The following ADAMTS16 variants were observed in gnomAD, a reference collection of about 807,000 sequenced individuals.
ADAMTS16 encodes A disintegrin and metalloproteinase with thrombospondin motifs 16.
Under a neutral mutation model 145.8 loss-of-function variants are expected in ADAMTS16, and 94 were observed. The observed-to-expected ratio is 0.64, with a 90% CI of 0.55 to 0.77. ADAMTS16 has a LOEUF of 0.77. Among genes scored for constraint, ADAMTS16 ranks in the 30% least tolerant of loss-of-function variants. ADAMTS16 has a pLI of 0.00. For synonymous variants in ADAMTS16, 659 were observed against 604.3 expected (o/e 1.09, Z -1.33); for missense variants, 1,585 against 1,591.5 (o/e 1.00, Z 0.07).
intron 18 of ADAMTS16, 108 bp from the exon 19 acceptor site, chr5:5,303,160 C>G: frequency 8.2e-7 from 1 of 1,214,422 alleles, no homozygotes; most frequent in Non-Finnish European, 1.1e-6. Context: ...ACGGCACACA[C>G]ACGACCGTGG....
intron 9 of ADAMTS16, among the ~76,000 whole-genome samples, chr5:5,205,235 C>A (rs1348175671): frequency 6.6e-6 from 1 of 150,556 alleles, no homozygotes; most frequent in Non-Finnish European, 1.5e-5. Context: ...TTTTGCTAAA[C>A]AGAAATTTTT....
intron 18 of ADAMTS16, among the ~76,000 whole-genome samples, chr5:5,299,469 A>AT (rs1739683077): frequency 6.6e-6 from 1 of 152,042 alleles, no homozygotes. Flanking sequence ...GGAAACTTGC[A>AT]TTTTCAAAGA....
chr5:5,267,367 G>A (rs1479089498), intron 18 of ADAMTS16, among the ~76,000 whole-genome samples: 2 of 152,128 alleles, frequency 1.3e-5, no homozygotes, highest in Non-Finnish European at 2.9e-5. Context: ...TTGGTGTGCT[G>A]GAAAAATTGG....
intron 18 of ADAMTS16, among the ~76,000 whole-genome samples, chr5:5,302,471 G>A (rs1174640241): frequency 6.6e-6 from 1 of 152,172 alleles, no homozygotes; most frequent in East Asian, 1.9e-4. Flanking sequence ...AGAATGAAAA[G>A]ATAGAGGACA....
chr5:5,168,848 G>A, intron 3 of ADAMTS16, among the ~76,000 whole-genome samples: 1 of 148,388 alleles, frequency 6.7e-6, no homozygotes. Flanking sequence ...TTTTGATCTA[G>A]TAGTTACTGA....
At chr5:5,293,147 G>A (rs6555342) in intron 18 of ADAMTS16, among the ~76,000 whole-genome samples, 25,893 of 152,178 alleles carry the variant, frequency 0.17, 2,343 homozygotes, top group Non-Finnish European at 0.2. Context: ...ATGGTGTCAC[G>A]GTTTTCTAGC....
chr5:5,170,378 C>CTATT lies in ADAMTS16; in HGVS notation c.502-11651_502-11648dup, dbSNP rs923980320. Among the ~76,000 whole-genome samples, 14 of 151,544 alleles carry CTATT rather than the reference C, an allele frequency of 9.2e-5. 1 individual carries two copies. Among genetic ancestry groups the CTATT allele is most frequent in the Admixed American group, 3.3e-4 (5 of 15,188 alleles). Reference sequence around the variant, plus strand: ...GCCCATTTTTATTTTATTTTTATTTCTATTTATTTATTTATTTAGAGACAG... The same window carrying CTATT: ...GCCCATTTTTATTTTATTTTTATTTCTATTTATTTATTTATTTATTTAGAGACAG... On this transcript the variant is annotated intron_variant, in intron 3 of 22. Transcript: ENST00000274181.
chr5:5,160,388 T>G (rs941028150), intron 3 of ADAMTS16, among the ~76,000 whole-genome samples: 1 of 152,130 alleles, frequency 6.6e-6, no homozygotes, highest in Non-Finnish European at 1.5e-5. Context: ...CATTGGGAAA[T>G]AGTGGTGGGC....
chr5:5,238,779 C>T (rs953874185), intron 14 of ADAMTS16, among the ~76,000 whole-genome samples: 1 of 152,170 alleles, frequency 6.6e-6, no homozygotes, highest in Non-Finnish European at 1.5e-5. Flanking sequence ...CAATTAAAGC[C>T]CACAATGGCA....
At chr5:5,225,024 C>CA (rs1553992157) in intron 11 of ADAMTS16, among the ~76,000 whole-genome samples, 88 of 146,648 alleles carry the variant, frequency 6.0e-4, no homozygotes, top group East Asian at 4.9e-3. Context: ...TCCTTTGTAC[C>CA]AAAAAAAAAC....
At chr5:5,204,765 T>C (rs1736048140) in intron 9 of ADAMTS16, among the ~76,000 whole-genome samples, 1 of 152,230 alleles carries the variant, frequency 6.6e-6, no homozygotes. Context: ...TGCATATGTG[T>C]CTTGAGTGTA....
chr5:5,247,560 A>G (rs1480208009), intron 17 of ADAMTS16, among the ~76,000 whole-genome samples: 1 of 152,078 alleles, frequency 6.6e-6, no homozygotes, highest in Non-Finnish European at 1.5e-5. Flanking sequence ...CCATTCCCAG[A>G]GTCTGTGCAG....
At chr5:5,270,922 A>G (rs1455937829) in intron 18 of ADAMTS16, among the ~76,000 whole-genome samples, 1 of 152,114 alleles carries the variant, frequency 6.6e-6, no homozygotes, top group Non-Finnish European at 1.5e-5. Context: ...AGCTGGAGCC[A>G]CAGCCCCGAG....
chr5:5,260,410 A>G (rs1737970662), intron 17 of ADAMTS16, among the ~76,000 whole-genome samples: 1 of 152,232 alleles, frequency 6.6e-6, no homozygotes, highest in Non-Finnish European at 1.5e-5. Context: ...AGTCATTTTT[A>G]AATAACCTAT....
intron 8 of ADAMTS16, among the ~76,000 whole-genome samples, chr5:5,196,385 G>GCTTTGTCACCAGAC (rs1735805292): frequency 2.6e-5 from 4 of 152,240 alleles, no homozygotes; most frequent in African/African-American, 4.8e-5. Context: ...ATTTGTGGCT[G>GCTTTGTCACCAGAC]TGCTTTGTCA....
chr5:5,301,222 C>G (rs1308458839), intron 18 of ADAMTS16, among the ~76,000 whole-genome samples: 1 of 152,172 alleles, frequency 6.6e-6, no homozygotes, highest in East Asian at 1.9e-4. Flanking sequence ...CCTCACCCAG[C>G]TAATTTTTGT....
Position 5,207,017 on chromosome 5 carries a change from G to T in ADAMTS16, c.1452-2076G>T, listed in dbSNP as rs542023355. Among the ~76,000 whole-genome samples the T allele has an allele frequency of 3.2e-4, 49 of 152,204 alleles. 1 individual carries two copies. In the South Asian group the frequency reaches 3.7e-3, roughly 12 times the overall value. On this transcript the variant is annotated intron_variant, in intron 9 of 22. Coordinates refer to ENST00000274181, the MANE Select transcript of ADAMTS16 (RefSeq NM_139056.4). ...GTCTTTGTTCTCTTCCTTCAGTATT[G>T]CTCTGGTTATTTTAAGTGTTTTGCC...
chr5:5,142,459 T>C (rs567552261), intron 2 of ADAMTS16: 10 of 152,396 alleles, frequency 6.6e-5, no homozygotes, highest in African/African-American at 1.9e-4. Flanking sequence ...CTATGCACTT[T>C]AGCTCCTTAA....
chr5:5,252,254 G>C (rs1737652998), intron 17 of ADAMTS16, among the ~76,000 whole-genome samples: 1 of 152,168 alleles, frequency 6.6e-6, no homozygotes, highest in Non-Finnish European at 1.5e-5. Context: ...CTGTGCAAAG[G>C]ACACTCACCA....
Sources: allele counts gnomAD v4.1 joint callset (sites outside exome capture counted in the v4.1 genomes callset), GRCh38; gene constraint gnomAD v4.1.1; transcripts MANE v1.5; gene names NCBI Gene and HGNC (gene_info 2026-07-23, HGNC 2026-07-21).